Variants in ACTN2 observed in about 807,000 individuals in gnomAD.
The protein encoded by ACTN2 is actinin alpha 2.
In ACTN2, 39 loss-of-function variants were observed where a neutral mutation model predicts 113.8. The observed-to-expected ratio is 0.34, with a 90% confidence interval of 0.27 to 0.45. The LOEUF (loss-of-function observed/expected upper bound fraction) is 0.45, where lower values mean the gene tolerates loss of function less well. Among genes scored for constraint, ACTN2 ranks in the 20% least tolerant of loss-of-function variants. The pLI is 1.00. For missense variants in ACTN2, 992 were observed against 1,177.9 expected, an observed-to-expected ratio of 0.84 and a Z score of 2.31; for synonymous variants, 429 against 444.1, an observed-to-expected ratio of 0.97 and a Z score of 0.43.
chr1:236,754,170 T>A lies in ACTN2; in HGVS notation c.1974+89T>A. Reference sequence around the variant, plus strand: ...CAGTGACACCGCACATGCTGTGGTTTCCAGCCACCCACTCAGTCAGGTGGG... The same window carrying A: ...CAGTGACACCGCACATGCTGTGGTTACCAGCCACCCACTCAGTCAGGTGGG... On this transcript the variant is annotated intron_variant, in intron 16 of 20. Transcript: ENST00000366578. The surrounding 1 kb of genome is among the most constrained non-coding windows in gnomAD (Gnocchi z 4.9). 6.4e-7 allele frequency: 1 copy of A among 1,554,022 alleles called. No homozygotes were observed.
At chr1:236,716,890 A>G (rs2102891862) in intron 1 of ACTN2, among the ~76,000 whole-genome samples, 1 of 133,524 alleles carries the variant, frequency 7.5e-6, no homozygotes, top group African/African-American at 2.8e-5. Flanking sequence ...ACTGGAGTGC[A>G]GTAGTATGAT....
intron 7 of ACTN2, chr1:236,734,395 A>G: frequency 7.0e-7 from 1 of 1,433,484 alleles, no homozygotes; most frequent in South Asian, 1.3e-5. Context: ...TGCTGGTATT[A>G]GAACATCCAC....
At chr1:236,711,468 T>G (rs1293550467) in intron 1 of ACTN2, among the ~76,000 whole-genome samples, 1 of 152,112 alleles carries the variant, frequency 6.6e-6, no homozygotes, top group African/African-American at 2.4e-5. Flanking sequence ...CTTGCCTCAG[T>G]CTCCTGAGTA....
chr1:236,732,376 C>CT (rs1409573198), intron 7 of ACTN2, among the ~76,000 whole-genome samples: 1 of 152,162 alleles, frequency 6.6e-6, no homozygotes, highest in East Asian at 1.9e-4. Context: ...ATCTCTCCCT[C>CT]TGTCTTCACA....
intron 6 of ACTN2, among the ~76,000 whole-genome samples, chr1:236,729,981 AACAT>A (rs1207697861): frequency 6.6e-6 from 1 of 152,218 alleles, no homozygotes; most frequent in Non-Finnish European, 1.5e-5. Flanking sequence ...TAAACAAATA[AACAT>A]ACATGTATAT....
At chr1:236,718,839 C>T (rs1658297762) in intron 2 of ACTN2, 55 bp from the exon 3 acceptor site, 1 of 1,613,350 alleles carries the variant, frequency 6.2e-7, no homozygotes, top group African/African-American at 1.3e-5. Context: ...CATCTTGATT[C>T]CGCATCAAGA....
rs148833906 is a variant in ACTN2, at chr1:236,761,070, C to T, written c.2423C>T (p.Thr808Ile). Residue 808 changes from threonine to isoleucine, a missense_variant, in exon 20 of 21, where the codon ACC becomes ATC. Physicochemically the swap from Thr to Ile is moderately conservative, Grantham distance 89 (BLOSUM62 -1). This residue lies in a region of ACTN2 where 736 missense variants were observed against 815.4 expected (regional missense o/e 0.90). Transcript: ENST00000366578. ...CTGGTAGATCCCAACGGGCAAGGCACCGTCACCTTCCAATCCTTCATCGAC... is the reference window on the plus strand; with the variant it reads ...CTGGTAGATCCCAACGGGCAAGGCATCGTCACCTTCCAATCCTTCATCGAC... ...MTLVDPNGQGTVTFQSFIDFM... is the reference protein window; with the variant it reads ...MTLVDPNGQGIVTFQSFIDFM... 46 of 1,614,064 alleles carry T rather than the reference C, an allele frequency of 2.8e-5. 1 individual carries two copies. In the African/African-American group the frequency reaches 5.9e-4, roughly 21 times the overall value.
intron 7 of ACTN2, among the ~76,000 whole-genome samples, chr1:236,733,100 A>T (rs1010152504): frequency 2.0e-5 from 3 of 152,170 alleles, no homozygotes; most frequent in Non-Finnish European, 4.4e-5. Flanking sequence ...AACATAGGAA[A>T]TTTCCTTTCC....
At chr1:236,696,114 C>T (rs1657493335) in intron 1 of ACTN2, among the ~76,000 whole-genome samples, 1 of 151,916 alleles carries the variant, frequency 6.6e-6, no homozygotes, top group Non-Finnish European at 1.5e-5. Context: ...CGAGACCAGC[C>T]TGGCCAACAT....
At chr1:236,691,343 A>G (rs1471178639) in intron 1 of ACTN2, among the ~76,000 whole-genome samples, 1 of 151,996 alleles carries the variant, frequency 6.6e-6, no homozygotes, top group Non-Finnish European at 1.5e-5. Flanking sequence ...TTTAATAATA[A>G]GTGCAAGAAT....
chr1:236,755,918 A>T (rs71642859), intron 17 of ACTN2, among the ~76,000 whole-genome samples: 8 of 24,372 alleles, frequency 3.3e-4, no homozygotes, highest in East Asian at 1.8e-3. Context: ...GAACCCTGGT[A>T]ATAGAGTATA....
At chr1:236,690,448 C>T (rs534003257) in intron 1 of ACTN2, among the ~76,000 whole-genome samples, 6 of 152,250 alleles carry the variant, frequency 3.9e-5, no homozygotes, top group Admixed American at 2.0e-4. Context: ...CCAGATGAGT[C>T]GAAGCTCTGC....
chr1:236,755,376 C>T (rs553489970), intron 17 of ACTN2, among the ~76,000 whole-genome samples, 178 bp downstream of exon 17: 2 of 152,138 alleles, frequency 1.3e-5, no homozygotes, highest in Non-Finnish European at 2.9e-5. Context: ...TGAGCTATAT[C>T]GAGGACTATA....
chr1:236,718,909 A>G lies in ACTN2; in HGVS notation c.257A>G (p.Lys86Arg). The G allele has an allele frequency of 6.2e-7, 1 of 1,614,212 alleles. No individual in the cohort carries two copies. Among genetic ancestry groups the G allele is most frequent in the South Asian group, 1.1e-5 (1 of 91,084 alleles). Residue 86 changes from lysine to arginine, a missense_variant, in exon 3 of 21, where the codon AAA becomes AGA. By Grantham distance (26) the Lys-to-Arg change is conservative. Around this residue, in one of 3 missense-constraint regions of ACTN2, gnomAD observed 220 missense variants for 337.5 expected, o/e 0.65. Transcript: ENST00000366578. ...CATCCAACAGGGGAAAGGCTGCCCAAACCTGACCGGGGAAAAATGCGGTTC... is the reference window on the plus strand; with the variant it reads ...CATCCAACAGGGGAAAGGCTGCCCAGACCTGACCGGGGAAAAATGCGGTTC... ...LEVISGERLP[K>R]PDRGKMRFHK... is the part of the protein sequence containing the mutation.
intron 1 of ACTN2, among the ~76,000 whole-genome samples, chr1:236,712,013 A>C (rs78059773): frequency 0.01 from 1,556 of 152,332 alleles, 27 homozygotes; most frequent in African/African-American, 0.035. Flanking sequence ...GTTTTAAGCC[A>C]AAGAGCCTGC....
chr1:236,728,231 C>T (rs898010259), intron 6 of ACTN2, among the ~76,000 whole-genome samples: 4 of 150,746 alleles, frequency 2.7e-5, no homozygotes, highest in African/African-American at 9.8e-5. Flanking sequence ...GCAGGCTCCG[C>T]CTCCCGGGTT....
chr1:236,744,267 C>T (rs777987412), intron 11 of ACTN2, among the ~76,000 whole-genome samples: 16 of 152,152 alleles, frequency 1.1e-4, no homozygotes, highest in Non-Finnish European at 1.6e-4. Flanking sequence ...CTAAGCATCC[C>T]TGGTAGCTCT....
chr1:236,720,823 A>G (rs1163897482), intron 4 of ACTN2, among the ~76,000 whole-genome samples: 1 of 151,936 alleles, frequency 6.6e-6, no homozygotes, highest in Non-Finnish European at 1.5e-5. Context: ...TTAAAATTGG[A>G]ACTTTGCCTG....
At chr1:236,739,118 A>C (rs559760747) in intron 9 of ACTN2, among the ~76,000 whole-genome samples, 184 bp from the exon 10 acceptor site, 16 of 152,038 alleles carry the variant, frequency 1.1e-4, no homozygotes, top group Non-Finnish European at 2.4e-4. Flanking sequence ...CGTTGGGGTG[A>C]TCACTCGCGG....
Sources: gnomAD v4.1 joint callset for allele counts (sites outside exome capture counted in the v4.1 genomes callset) on GRCh38, gnomAD v4.1.1 for gene constraint, gnomAD v4.1.1 regional missense constraint, Gnocchi (gnomAD v3.1) non-coding constraint, MANE v1.5 for transcripts, NCBI Gene and HGNC (gene_info 2026-07-23, HGNC 2026-07-21) for gene names.